CD38: variants seen among roughly 807,000 people sequenced by gnomAD.
CD38 encodes the protein CD38 molecule.
Under a neutral mutation model 36.3 loss-of-function variants are expected in CD38, and 31 were observed. The observed-to-expected ratio is 0.85, with a 90% CI of 0.64 to 1.15. The LOEUF is 1.15. Among genes scored for constraint, CD38 ranks in the 50% most tolerant of loss-of-function variants. CD38 has a pLI of 0.00. For missense variants in CD38, 380 were observed against 371.9 expected, an observed-to-expected ratio of 1.02 and a Z score of -0.18; for synonymous variants, 131 against 135.2, an observed-to-expected ratio of 0.97 and a Z score of 0.22.
At chr4:15,818,066 C>G (rs752308181) in intron 2 of CD38, among the ~76,000 whole-genome samples, 5 of 151,376 alleles carry the variant, frequency 3.3e-5, no homozygotes, top group Non-Finnish European at 7.4e-5. Context: ...CTCAGCGGGT[C>G]TCACTCCCAC....
intron 1 of CD38, among the ~76,000 whole-genome samples, chr4:15,790,344 C>T (rs1722940046): frequency 1.3e-5 from 2 of 151,450 alleles, no homozygotes; most frequent in African/African-American, 4.9e-5. Context: ...GACTGGTTTT[C>T]GTTTTTTTTT....
intron 3 of CD38, among the ~76,000 whole-genome samples, chr4:15,826,459 G>GCACACA (rs67475051): frequency 0.027 from 3,996 of 146,380 alleles, 80 homozygotes; most frequent in Non-Finnish European, 0.043. Context: ...ACTTTTGTGC[G>GCACACA]CACACACACA....
At chr4:15,816,468 A>T in intron 1 of CD38, 43 bp from the exon 2 acceptor site, 2 of 1,494,754 alleles carry the variant, frequency 1.3e-6, no homozygotes, top group Non-Finnish European at 9.1e-7. Flanking sequence ...AAATATTTTT[A>T]AAATCAAATA....
chr4:15,804,802 A>T (rs954497630), intron 1 of CD38, among the ~76,000 whole-genome samples: 2 of 152,130 alleles, frequency 1.3e-5, no homozygotes, highest in African/African-American at 2.4e-5. Flanking sequence ...ATGAATACAA[A>T]ATTATATATA....
At position 15,848,652 on chromosome 4, in the gene CD38, A is replaced by G. The variant is rs1352807987; in HGVS notation, c.*50A>G. The G allele has an allele frequency of 1.4e-6, 2 of 1,469,098 alleles. No individual in the cohort carries two copies. The highest frequency in any genetic ancestry group is 1.9e-6 in the Non-Finnish European group (2 of 1,048,792). The allele number at this position is 1,469,098 out of a possible 1,614,324, so 91.0% of individuals were successfully genotyped here. ...TCCTTGACTCCTTGTGGTTTATGTC[A>G]TCATACATGACTCAGCATACCTGCT... is the stretch of plus-strand genomic sequence containing the variant. On this transcript the variant is annotated 3_prime_UTR_variant, in exon 8 of 8. Transcript: ENST00000226279.
At chr4:15,809,523 T>G (rs1024058367) in intron 1 of CD38, among the ~76,000 whole-genome samples, 1 of 152,194 alleles carries the variant, frequency 6.6e-6, no homozygotes, top group Non-Finnish European at 1.5e-5. Flanking sequence ...ATTTTCCCCA[T>G]TCTCACTTGG....
chr4:15,827,350 T>C (rs1238512486), intron 3 of CD38, among the ~76,000 whole-genome samples: 1 of 151,972 alleles, frequency 6.6e-6, no homozygotes, highest in African/African-American at 2.4e-5. Context: ...AGAAAACCTG[T>C]CTGTTCTCTT....
intron 1 of CD38, among the ~76,000 whole-genome samples, chr4:15,793,024 T>C (rs1329032806): frequency 6.6e-6 from 1 of 152,184 alleles, no homozygotes; most frequent in Non-Finnish European, 1.5e-5. Flanking sequence ...ACCTTCTGGG[T>C]TTGGCCAATT....
rs1228983012 is a variant in CD38 at position 15,850,087 on chromosome 4, G to T, written c.*1485G>T. 6.6e-6 allele frequency: 1 copy of T among 152,066 alleles called. No individual in the cohort carries two copies. The highest frequency in any genetic ancestry group is 1.9e-4 in the East Asian group (1 of 5,188). 9.4% of individuals were successfully genotyped at this position (152,066 alleles called of 1,614,324 possible). On this transcript the variant is annotated 3_prime_UTR_variant, in exon 8 of 8. Coordinates refer to ENST00000226279, the MANE Select transcript of CD38 (RefSeq NM_001775.4). ...TTTGGGAGGCCGAGACGGGAGGATC[G>T]CCTGAGCTCAGGAGTTTTTACACCA...
In CD38 at chr4:15,834,292, T is replaced by C; in HGVS notation, c.575T>C (p.Val192Ala). 1 of 1,609,146 alleles carries C rather than the reference T, an allele frequency of 6.2e-7. No individual in the cohort carries two copies. ...NNPVSVFWKT[V>A]SRRFAEAACD... is the part of the protein sequence containing the mutation. ...CCTGTTTCAGTATTCTGGAAAACGGTTTCCCGCAGGGTAAGTACCAAGTAG... is the reference window on the plus strand; with the variant it reads ...CCTGTTTCAGTATTCTGGAAAACGGCTTCCCGCAGGGTAAGTACCAAGTAG... Residue 192 changes from valine (V) to alanine (A), a missense_variant, in exon 4 of 8, where the codon GTT becomes GCT. Transcript: ENST00000226279.
intron 1 of CD38, among the ~76,000 whole-genome samples, chr4:15,802,266 A>G (rs1228253507): frequency 6.6e-6 from 1 of 152,132 alleles, no homozygotes; most frequent in Admixed American, 6.5e-5. Context: ...AGACTACAGA[A>G]CACTAATAAA....
intron 2 of CD38, among the ~76,000 whole-genome samples, chr4:15,819,267 G>A (rs1390470584): frequency 2.0e-5 from 3 of 151,976 alleles, no homozygotes; most frequent in African/African-American, 4.8e-5. Flanking sequence ...AACCACCATG[G>A]CATGTGTATA....
chr4:15,825,069 T>G, intron 3 of CD38, 53 bp downstream of exon 3: 1 of 1,542,012 alleles, frequency 6.5e-7, no homozygotes, highest in Non-Finnish European at 8.8e-7. Flanking sequence ...GTGAACAGAG[T>G]GACTTCTGCT....
intron 1 of CD38, among the ~76,000 whole-genome samples, chr4:15,811,538 T>TC (rs1723470192): frequency 6.6e-6 from 1 of 152,198 alleles, no homozygotes; most frequent in African/African-American, 2.4e-5. Flanking sequence ...GTTTTTTTTT[T>TC]CCCATTGAAT....
At chr4:15,780,716 C>A (rs1442067705) in intron 1 of CD38, among the ~76,000 whole-genome samples, 2 of 152,166 alleles carry the variant, frequency 1.3e-5, no homozygotes, top group African/African-American at 2.4e-5. Context: ...TCAAACCCAA[C>A]AAATCCTGGC....
intron 3 of CD38, among the ~76,000 whole-genome samples, chr4:15,829,400 C>T (rs80211553): frequency 0.049 from 7,399 of 152,072 alleles, 251 homozygotes; most frequent in Non-Finnish European, 0.062. Context: ...TATTTTAAAA[C>T]AGGGGTGTCC....
chr4:15,822,986 A>T (rs1468785976), intron 2 of CD38, among the ~76,000 whole-genome samples: 2 of 152,200 alleles, frequency 1.3e-5, no homozygotes, highest in African/African-American at 4.8e-5. Context: ...AAATAAACAC[A>T]TAGACCAATA....
chr4:15,805,989 G>A (rs1723332544), intron 1 of CD38, among the ~76,000 whole-genome samples: 1 of 152,200 alleles, frequency 6.6e-6, no homozygotes, highest in Non-Finnish European at 1.5e-5. Context: ...TTTAGGGGGT[G>A]AGAGTTTTCC....
chr4:15,820,366 G>C (rs935311765), intron 2 of CD38, among the ~76,000 whole-genome samples: 1 of 152,064 alleles, frequency 6.6e-6, no homozygotes, highest in Non-Finnish European at 1.5e-5. Context: ...GTGTAAATGG[G>C]CTAAATGTCC....
Sources: allele counts gnomAD v4.1 joint callset (sites outside exome capture counted in the v4.1 genomes callset), GRCh38; gene constraint gnomAD v4.1.1; transcripts MANE v1.5; gene names NCBI Gene and HGNC (gene_info 2026-07-23, HGNC 2026-07-21).